PRKCH: variants seen among roughly 807,000 people sequenced by gnomAD.
PRKCH encodes protein kinase C eta type.
A neutral mutation model predicts 82.5 loss-of-function variants in PRKCH; 28 were observed. That is an observed-to-expected ratio of 0.34 (90% confidence interval 0.25 to 0.47). The LOEUF (loss-of-function observed/expected upper bound fraction) is 0.47, where lower values mean the gene tolerates loss of function less well. Among genes scored for constraint, PRKCH ranks in the 20% least tolerant of loss-of-function variants. The pLI is 1.00. For synonymous variants in PRKCH, 322 were observed against 327.4 expected, an observed-to-expected ratio of 0.98 and a Z score of 0.18; for missense variants, 705 against 881.8, an observed-to-expected ratio of 0.80 and a Z score of 2.54.
At chr14:61,518,458 AAG>A (rs2042858216) in intron 10 of PRKCH, among the ~76,000 whole-genome samples, 1 of 152,090 alleles carries the variant, frequency 6.6e-6, no homozygotes, top group Non-Finnish European at 1.5e-5. Context: ...GAAAAAGAAA[AAG>A]AAAAAAAATT....
intron 1 of PRKCH, among the ~76,000 whole-genome samples, chr14:61,225,073 C>A (rs2044686760): frequency 6.6e-6 from 1 of 152,180 alleles, no homozygotes; most frequent in African/African-American, 2.4e-5. Context: ...GCAGCTTTGG[C>A]CGGGGTGAGC....
intron 1 of PRKCH, among the ~76,000 whole-genome samples, chr14:61,330,525 G>T (rs1240139188): frequency 6.6e-6 from 1 of 152,156 alleles, no homozygotes; most frequent in Non-Finnish European, 1.5e-5. Context: ...CTTAAGTTTT[G>T]TATAGATCAT....
chr14:61,304,937 T>C (rs889683308), intron 1 of PRKCH: 3 of 152,332 alleles, frequency 2.0e-5, no homozygotes, highest in Admixed American at 2.0e-4. Context: ...CATAGCATTG[T>C]TCCCCTTATG....
At chr14:61,539,863 C>T (rs371460860) in intron 12 of PRKCH, among the ~76,000 whole-genome samples, 1 of 152,244 alleles carries the variant, frequency 6.6e-6, no homozygotes, top group South Asian at 2.1e-4. Context: ...TTTTCAATGA[C>T]ACAATGCTGT....
intron 10 of PRKCH, among the ~76,000 whole-genome samples, chr14:61,495,252 A>T (rs1886618733): frequency 6.6e-6 from 1 of 152,194 alleles, no homozygotes; most frequent in Admixed American, 6.5e-5. Context: ...ATTTTTCTGT[A>T]CTTCATATAT....
chr14:61,250,000 C>T (rs1054673955), intron 1 of PRKCH, among the ~76,000 whole-genome samples: 1 of 151,210 alleles, frequency 6.6e-6, no homozygotes, highest in African/African-American at 2.4e-5. Context: ...CGGCTCATGC[C>T]TGTAATCCCA....
intron 2 of PRKCH, among the ~76,000 whole-genome samples, chr14:61,441,143 C>T (rs898388568): frequency 1.3e-5 from 2 of 152,036 alleles, no homozygotes; most frequent in African/African-American, 4.8e-5. Context: ...AAGTGATCTC[C>T]CACCTCAGCC....
chr14:61,195,429 G>A (rs949439383), intron 1 of PRKCH, among the ~76,000 whole-genome samples: 3 of 152,180 alleles, frequency 2.0e-5, no homozygotes, highest in South Asian at 4.1e-4. Context: ...CACATGTTAG[G>A]TTTTGAAGGC....
chr14:61,485,701 C>T, intron 10 of PRKCH, 45 bp downstream of exon 10: 1 of 1,575,164 alleles, frequency 6.3e-7, no homozygotes, highest in African/African-American at 1.4e-5. Context: ...CTGCCTCTTC[C>T]CTCTCCTGGT....
Position 61,364,281 on chromosome 14 carries a change from G to A in PRKCH, c.364-26944G>A, listed in dbSNP as rs145588397. 7.9e-4 allele frequency among the ~76,000 whole-genome samples: 120 copies of A among 151,910 alleles called. 1 individual carries two copies. Among genetic ancestry groups the A allele is most frequent in the African/African-American group, 2.8e-3 (116 of 41,304 alleles). On this transcript the variant is annotated intron_variant, in intron 1 of 13. Coordinates refer to ENST00000332981, the MANE Select transcript of PRKCH (RefSeq NM_006255.5). ...ATGGGATTGGGAACTTGAAGAGAATGGAGACTGTTTGGAATATCCCAGTCA... is the reference window on the plus strand; with the variant it reads ...ATGGGATTGGGAACTTGAAGAGAATAGAGACTGTTTGGAATATCCCAGTCA...
intron 1 of PRKCH, among the ~76,000 whole-genome samples, chr14:61,346,343 A>G (rs2045991907): frequency 6.6e-6 from 1 of 152,152 alleles, no homozygotes; most frequent in Admixed American, 6.5e-5. Context: ...TTTACTCCTA[A>G]CAGTGAATTC....
At chr14:61,368,473 C>G (rs899603750) in intron 1 of PRKCH, among the ~76,000 whole-genome samples, 1 of 152,092 alleles carries the variant, frequency 6.6e-6, no homozygotes, top group East Asian at 1.9e-4. Context: ...GGAGACTCCT[C>G]CAGACTGAAC....
intron 12 of PRKCH, among the ~76,000 whole-genome samples, chr14:61,531,228 C>A (rs1339098019): frequency 1.3e-5 from 2 of 152,096 alleles, no homozygotes; most frequent in African/African-American, 4.8e-5. Flanking sequence ...GTACTGGACG[C>A]CTTTATGTTG....
rs114411344 is a variant in PRKCH, at chr14:61,390,970, A to G, written c.364-255A>G. 5.1e-3 allele frequency: 1,910 copies of G among 371,414 alleles called. 23 individuals are homozygous for G. The highest frequency in any genetic ancestry group is 0.039 in the African/African-American group (1,800 of 46,022). The allele number at this position is 371,414 out of a possible 1,614,324, so 23.0% of individuals were successfully genotyped here. A position where few individuals can be genotyped will look rare whatever the true frequency, so the allele number is the denominator to read the frequency against. On this transcript the variant is annotated intron_variant, in intron 1 of 13. Transcript: ENST00000332981. ...CAAGTATGTGGATGTGCCTGTCTAT[A>G]TTATGACAAGCCAAAAATGGGAGAG...
chr14:61,279,192 C>T (rs375545123), intron 1 of PRKCH: 1 of 152,246 alleles, frequency 6.6e-6, no homozygotes, highest in Non-Finnish European at 1.5e-5. Flanking sequence ...TTGGCTTTTA[C>T]ACCAAAATAC....
At chr14:61,193,638 A>G (rs1415551181) in intron 1 of PRKCH, among the ~76,000 whole-genome samples, 2 of 152,208 alleles carry the variant, frequency 1.3e-5, no homozygotes, top group Non-Finnish European at 2.9e-5. Flanking sequence ...AGGCTGGACT[A>G]ATGAGACCAT....
chr14:61,263,513 C>T (rs1455684408), intron 1 of PRKCH, among the ~76,000 whole-genome samples: 5 of 152,156 alleles, frequency 3.3e-5, no homozygotes, highest in African/African-American at 1.2e-4. Context: ...TAAGGACACA[C>T]AGCTAGGAAG....
chr14:61,461,609 T>C (rs1191726886), intron 9 of PRKCH, among the ~76,000 whole-genome samples: 5 of 152,232 alleles, frequency 3.3e-5, no homozygotes, highest in Non-Finnish European at 7.3e-5. Context: ...GCAGCAGCAA[T>C]GGTTCCAAGT....
intron 1 of PRKCH, among the ~76,000 whole-genome samples, chr14:61,200,388 A>AGTGTGTGT (rs34645520): frequency 4.1e-4 from 58 of 142,476 alleles, no homozygotes; most frequent in African/African-American, 1.6e-3. Context: ...TGAGTGAGTG[A>AGTGTGTGT]GTGTGTGTGT....
Sources: allele counts gnomAD v4.1 joint callset (sites outside exome capture counted in the v4.1 genomes callset), GRCh38; gene constraint gnomAD v4.1.1; transcripts MANE v1.5; gene names NCBI Gene and HGNC (gene_info 2026-07-23, HGNC 2026-07-21).